The following RYR3 variants were observed in gnomAD, a reference collection of about 807,000 sequenced individuals.
RYR3 encodes the protein ryanodine receptor 3.
A neutral mutation model predicts 584.3 loss-of-function variants in RYR3; 207 were observed. The ratio of observed to expected loss-of-function variants is 0.35; its 90% CI spans 0.32 to 0.40. The LOEUF (loss-of-function observed/expected upper bound fraction) is 0.40, where lower values mean the gene tolerates loss of function less well. Ranked by LOEUF, RYR3 falls within the 10% of genes least tolerant of loss-of-function variation. The pLI, the probability that RYR3 is intolerant of heterozygous loss-of-function variation, is 1.00. For missense variants in RYR3, 5,616 were observed against 6,089.2 expected (o/e 0.92, Z 2.59); for synonymous variants, 2,416 against 2,248.5 (o/e 1.07, Z -2.11).
intron 87 of RYR3, 122 bp from the exon 88 acceptor site, chr15:33,836,784 G>A: frequency 6.1e-6 from 4 of 651,776 alleles, no homozygotes; most frequent in Non-Finnish European, 1.1e-5. Flanking sequence ...TGAGAAGGAA[G>A]CTCTTTCCCG....
intron 20 of RYR3, among the ~76,000 whole-genome samples, chr15:33,624,525 A>G (rs556613473): frequency 6.6e-6 from 1 of 152,338 alleles, no homozygotes; most frequent in South Asian, 2.1e-4. Context: ...GCCTAGAAGT[A>G]AAAACACAAA....
intron 1 of RYR3, among the ~76,000 whole-genome samples, chr15:33,397,897 C>T (rs1224662866): frequency 1.3e-5 from 2 of 152,118 alleles, no homozygotes; most frequent in African/African-American, 2.4e-5. Flanking sequence ...CCTATTTGAT[C>T]TCCCATCCCA....
intron 1 of RYR3, among the ~76,000 whole-genome samples, chr15:33,387,279 C>T (rs1433691302): frequency 1.3e-5 from 2 of 152,148 alleles, no homozygotes; most frequent in African/African-American, 4.8e-5. Context: ...GTGAATAGTG[C>T]TGCTGTGAAC....
At chr15:33,623,494 A>C (rs1389908379) in intron 19 of RYR3, among the ~76,000 whole-genome samples, 1 of 152,218 alleles carries the variant, frequency 6.6e-6, no homozygotes, top group Non-Finnish European at 1.5e-5. Context: ...TCAATACTGC[A>C]ATAATATCTA....
At chr15:33,596,478 C>G (rs1253386123) in intron 16 of RYR3, among the ~76,000 whole-genome samples, 1 of 104,814 alleles carries the variant, frequency 9.5e-6, no homozygotes, top group Non-Finnish European at 1.8e-5. Context: ...CTGACCAACT[C>G]AATATTGTTC....
intron 43 of RYR3, among the ~76,000 whole-genome samples, chr15:33,718,605 A>G (rs1567016906): frequency 6.6e-6 from 1 of 152,202 alleles, no homozygotes; most frequent in Non-Finnish European, 1.5e-5. Flanking sequence ...AAGAATGGGA[A>G]GAAAAACAGT....
intron 16 of RYR3, among the ~76,000 whole-genome samples, chr15:33,587,782 T>C (rs926272498): frequency 1.3e-5 from 2 of 152,184 alleles, no homozygotes; most frequent in African/African-American, 2.4e-5. Context: ...TACTATTCCA[T>C]TGGATAGCTT....
At chr15:33,517,790 C>A (rs942271616) in intron 3 of RYR3, among the ~76,000 whole-genome samples, 4 of 152,042 alleles carry the variant, frequency 2.6e-5, no homozygotes, top group Non-Finnish European at 5.9e-5. Flanking sequence ...TTTATTACCC[C>A]CACTATGACC....
chr15:33,373,603 T>A (rs2040499912), intron 1 of RYR3, among the ~76,000 whole-genome samples: 1 of 152,242 alleles, frequency 6.6e-6, no homozygotes, highest in East Asian at 1.9e-4. Flanking sequence ...TATTTCATAT[T>A]TTGGAGATTT....
chr15:33,552,955 C>G (rs2056795786), intron 10 of RYR3, among the ~76,000 whole-genome samples: 1 of 152,166 alleles, frequency 6.6e-6, no homozygotes, highest in South Asian at 2.1e-4. Flanking sequence ...GTTTGGGGCT[C>G]TGTTTCTCAA....
chr15:33,659,675 T>C (rs762298681), intron 32 of RYR3, 45 bp from the exon 33 acceptor site: 3 of 1,306,640 alleles, frequency 2.3e-6, no homozygotes, highest in Non-Finnish European at 3.3e-6. Context: ...AGCTGTGTTG[T>C]TTGTCCAGCT....
intron 1 of RYR3, among the ~76,000 whole-genome samples, chr15:33,426,770 T>G (rs2044686125): frequency 6.6e-6 from 1 of 152,180 alleles, no homozygotes; most frequent in Admixed American, 6.5e-5. Flanking sequence ...ACTGGGTGGC[T>G]TATAAATAAC....
rs555993837 is a variant in RYR3, at chr15:33,860,584, T to G, written c.14300-11T>G. 3.2e-6 allele frequency: 5 copies of G among 1,561,616 alleles called. No homozygotes were observed. In the South Asian group the frequency reaches 6.0e-5, roughly 19 times the overall value. On this transcript the variant is annotated splice_polypyrimidine_tract_variant and intron_variant, in intron 100 of 103. Coordinates refer to ENST00000634891, the MANE Select transcript of RYR3 (RefSeq NM_001036.6). Reference sequence around the variant, plus strand: ...ACACAGATTGCTTTGTCTTTGTATTTAACATTCCAGGTCTTATTATTGATG... The same window carrying G: ...ACACAGATTGCTTTGTCTTTGTATTGAACATTCCAGGTCTTATTATTGATG...
At chr15:33,595,813 A>G (rs2059342743) in intron 16 of RYR3, among the ~76,000 whole-genome samples, 2 of 152,092 alleles carry the variant, frequency 1.3e-5, no homozygotes, top group East Asian at 1.9e-4. Context: ...TAATGTAATA[A>G]CCTTAATTTA....
intron 97 of RYR3, 100 bp from the exon 98 acceptor site, chr15:33,854,666 C>A: frequency 6.9e-7 from 1 of 1,458,814 alleles, no homozygotes; most frequent in Non-Finnish European, 9.3e-7. Context: ...ACCTAAACCC[C>A]CTCTATCCTC....
At chr15:33,799,412 C>G (rs1567196006) in intron 67 of RYR3, among the ~76,000 whole-genome samples, 1 of 151,676 alleles carries the variant, frequency 6.6e-6, no homozygotes, top group Non-Finnish European at 1.5e-5. Flanking sequence ...AGGGGTTTCA[C>G]CAATCATGCC....
chr15:33,536,201 A>G (rs1206615208), intron 5 of RYR3, among the ~76,000 whole-genome samples: 2 of 152,212 alleles, frequency 1.3e-5, no homozygotes, highest in African/African-American at 2.4e-5. Context: ...GTAAACAAGT[A>G]AACTGCCCAG....
chr15:33,621,331 T>A (rs1013746533), intron 19 of RYR3, among the ~76,000 whole-genome samples: 1 of 152,202 alleles, frequency 6.6e-6, no homozygotes, highest in Non-Finnish European at 1.5e-5. Flanking sequence ...AGATGCTCAA[T>A]GAGAAGAGAG....
intron 1 of RYR3, among the ~76,000 whole-genome samples, chr15:33,428,046 G>C (rs1318963808): frequency 6.6e-6 from 1 of 152,168 alleles, no homozygotes; most frequent in Non-Finnish European, 1.5e-5. Context: ...ATAACATGGT[G>C]CCATGCATTG....
Sources: gnomAD v4.1 joint callset for allele counts (sites outside exome capture counted in the v4.1 genomes callset) on GRCh38, gnomAD v4.1.1 for gene constraint, MANE v1.5 for transcripts, NCBI Gene and HGNC (gene_info 2026-07-23, HGNC 2026-07-21) for gene names.